Variants in PDPR observed in about 807,000 individuals in gnomAD.
PDPR encodes the protein pyruvate dehydrogenase phosphatase regulatory subunit, also known as pyruvate dehydrogenase phosphatase regulatory subunit, mitochondrial.
PDPR carries 50 observed loss-of-function variants against 102.2 expected under a neutral mutation model. The ratio of observed to expected loss-of-function variants is 0.49; its 90% CI spans 0.39 to 0.62. The LOEUF is 0.62. Among genes scored for constraint, PDPR ranks in the 20% least tolerant of loss-of-function variants. The pLI, the probability that PDPR is intolerant of heterozygous loss-of-function variation, is 0.00. For synonymous variants in PDPR, 259 were observed against 406.0 expected, an observed-to-expected ratio of 0.64 and a Z score of 4.35; for missense variants, 625 against 1,098.2, an observed-to-expected ratio of 0.57 and a Z score of 6.09.
intron 18 of PDPR, among the ~76,000 whole-genome samples, chr16:70,154,424 A>G (rs1966887715): frequency 6.6e-6 from 1 of 152,290 alleles, no homozygotes; most frequent in Non-Finnish European, 1.5e-5. Context: ...CAGGAGGATC[A>G]CTTGAGCTCA....
chr16:70,145,983 G>A, intron 15 of PDPR, 151 bp from the exon 16 acceptor site: 2 of 676,020 alleles, frequency 3.0e-6, no homozygotes, highest in Non-Finnish European at 5.0e-6. Flanking sequence ...GGGGTGCTTA[G>A]CATCCATCCT....
At chr16:70,148,152 G>A (rs1306636333) in intron 16 of PDPR, among the ~76,000 whole-genome samples, 1 of 152,204 alleles carries the variant, frequency 6.6e-6, no homozygotes, top group Non-Finnish European at 1.5e-5. Context: ...TGCTACCCTC[G>A]ACTAACACAA....
In PDPR at chr16:70,162,178, T is replaced by G. The variant is rs1185182766; in HGVS notation, c.*5299T>G. 6.6e-6 allele frequency: 1 copy of G among 152,552 alleles called. No homozygotes were observed. The highest frequency in any genetic ancestry group is 6.5e-5 in the Admixed American group (1 of 15,292). 9.4% of individuals were successfully genotyped at this position (152,552 alleles called of 1,614,324 possible). A position where few individuals can be genotyped will look rare whatever the true frequency, so the allele number is the denominator to read the frequency against. On this transcript the variant is annotated 3_prime_UTR_variant, in exon 19 of 19. Transcript: ENST00000288050. ...AAAGCTCTTTCAGTGAAGGGTGTTCTAGCAGCTCAGTTAACACTTTACTCT... is the reference window on the plus strand; with the variant it reads ...AAAGCTCTTTCAGTGAAGGGTGTTCGAGCAGCTCAGTTAACACTTTACTCT...
rs1285929621 is a variant in PDPR at position 70,138,970 on chromosome 16, GAGCC to G, written c.1263_1266del (p.Ala422SerfsTer18). The G allele has an allele frequency of 6.2e-7, 1 of 1,612,568 alleles. No individual in the cohort carries two copies. The highest frequency in any genetic ancestry group is 1.3e-5 in the African/African-American group (1 of 74,912). On this transcript the variant is annotated frameshift_variant, in exon 11 of 19. Coordinates refer to ENST00000288050, the MANE Select transcript of PDPR (RefSeq NM_017990.5). LOFTEE classifies it high-confidence loss of function. ...TGGGAATTGGACCTGAAACGTTTTGGAGCCCTCCAGAGCAGCCGCACCTTTCTGC... is the reference window on the plus strand; with the variant it reads ...TGGGAATTGGACCTGAAACGTTTTGGCTCCAGAGCAGCCGCACCTTTCTGC...
chr16:70,129,238 G>A (rs1814167721), intron 6 of PDPR, 116 bp downstream of exon 6: 3 of 1,590,284 alleles, frequency 1.9e-6, no homozygotes, highest in Non-Finnish European at 2.6e-6. Flanking sequence ...TCCTCTTTGG[G>A]GTACTCAGCC....
At chr16:70,151,035 A>G (rs1966693308) in intron 17 of PDPR, among the ~76,000 whole-genome samples, 1 of 152,214 alleles carries the variant, frequency 6.6e-6, no homozygotes, top group Non-Finnish European at 1.5e-5. Flanking sequence ...CCTGGGTTCA[A>G]GCGATTCTCC....
At chr16:70,135,921 T>G (rs1270163571) in intron 9 of PDPR, among the ~76,000 whole-genome samples, 64 of 152,280 alleles carry the variant, frequency 4.2e-4, no homozygotes, top group Non-Finnish European at 6.5e-4. Context: ...TACAAAAAAT[T>G]AGCTGGGCAT....
At chr16:70,118,648 G>A (rs1411759547) in intron 2 of PDPR, among the ~76,000 whole-genome samples, 2 of 152,112 alleles carry the variant, frequency 1.3e-5, no homozygotes, top group Non-Finnish European at 2.9e-5. Flanking sequence ...TATTCTGGAG[G>A]GTGCAGTAGA....
At position 70,157,343 on chromosome 16, in the gene PDPR, G is replaced by A. The variant is rs879175117; in HGVS notation, c.*464G>A. ...CCGTGTGTCGGATGCAGCCCTGAGGGGCAGCTCGTGCCTGCAGCCCGGCAG... is the reference window on the plus strand; with the variant it reads ...CCGTGTGTCGGATGCAGCCCTGAGGAGCAGCTCGTGCCTGCAGCCCGGCAG... On this transcript the variant is annotated 3_prime_UTR_variant, in exon 19 of 19. Transcript: ENST00000288050. The A allele has an allele frequency of 4.5e-5, 17 of 380,164 alleles. No individual in the cohort carries two copies. The highest frequency in any genetic ancestry group is 2.8e-4 in the South Asian group (14 of 50,580). 23.5% of individuals were successfully genotyped at this position (380,164 alleles called of 1,614,324 possible).
intron 3 of PDPR, among the ~76,000 whole-genome samples, chr16:70,122,992 C>T (rs1963505174): frequency 6.6e-6 from 1 of 152,178 alleles, no homozygotes. Context: ...CCTGTGCCTC[C>T]CGGATTCCAG....
chr16:70,130,612 G>A lies in PDPR; in HGVS notation c.729+68G>A. 2.5e-6 allele frequency: 4 copies of A among 1,586,954 alleles called. No individual in the cohort carries two copies. In the South Asian group the frequency reaches 3.4e-5, roughly 13 times the overall value. On this transcript the variant is annotated intron_variant, in intron 7 of 18. Transcript: ENST00000288050. ...TCCAAGATTTTTTTGGTGTAGAGAA[G>A]TAAGATTAGTATTGTGATTGGTTAT...
At chr16:70,119,557 C>T (rs536317295) in intron 2 of PDPR, among the ~76,000 whole-genome samples, 37 of 148,774 alleles carry the variant, frequency 2.5e-4, no homozygotes, top group African/African-American at 9.2e-4. Context: ...ATGCCGGCCT[C>T]CTTTTTGTTC....
In PDPR at chr16:70,161,281, C is replaced by CAAAAAAAAAAAAAAAAAA. The variant is rs56353884; in HGVS notation, c.*4404_*4421dup. The CAAAAAAAAAAAAAAAAAA allele has an allele frequency of 7.6e-6, 1 of 130,782 alleles. No homozygotes were observed. 8.1% of individuals were successfully genotyped at this position (130,782 alleles called of 1,614,324 possible). A position where few individuals can be genotyped will look rare whatever the true frequency, so the allele number is the denominator to read the frequency against. Reference sequence around the variant, plus strand: ...GGGTAACAGAGTGAGACTCTTGTCTCAAAAAAAAAAAAAAAAAAATCTAAG... The same window carrying CAAAAAAAAAAAAAAAAAA: ...GGGTAACAGAGTGAGACTCTTGTCTCAAAAAAAAAAAAAAAAAAAAAAAAAAAAAAAAAAAAATCTAAG... On this transcript the variant is annotated 3_prime_UTR_variant, in exon 19 of 19. Transcript: ENST00000288050.
At chr16:70,121,441 C>G (rs967871727) in intron 3 of PDPR, among the ~76,000 whole-genome samples, 8 of 151,572 alleles carry the variant, frequency 5.3e-5, no homozygotes, top group African/African-American at 1.9e-4. Context: ...CTTGTAATCC[C>G]AGCACTCTGG....
At chr16:70,136,982 A>T (rs1479718801) in intron 10 of PDPR, among the ~76,000 whole-genome samples, 2 of 152,188 alleles carry the variant, frequency 1.3e-5, no homozygotes, top group African/African-American at 4.8e-5. Flanking sequence ...ACTTCAAGTG[A>T]TCCACCCACC....
Position 70,135,783 on chromosome 16 carries a change from T to A in PDPR, c.998-411T>A, listed in dbSNP as rs376500058. 7.2e-5 allele frequency among the ~76,000 whole-genome samples: 11 copies of A among 152,370 alleles called. No homozygotes were observed. In the East Asian group the frequency reaches 2.1e-3, roughly 29 times the overall value. ...TTGGCTCGTCTTTAAAAAAATCTCTTCCAGCCGGACGCAGTGGTTCACACC... is the reference window on the plus strand; with the variant it reads ...TTGGCTCGTCTTTAAAAAAATCTCTACCAGCCGGACGCAGTGGTTCACACC... On this transcript the variant is annotated intron_variant, in intron 9 of 18. Transcript: ENST00000288050.
At position 70,158,757 on chromosome 16, in the gene PDPR, A is replaced by C. The variant is rs955416117; in HGVS notation, c.*1878A>C. 2.0e-5 allele frequency: 3 copies of C among 153,110 alleles called. No homozygotes were observed. The highest frequency in any genetic ancestry group is 7.2e-5 in the African/African-American group (3 of 41,484). The allele number at this position is 153,110 out of a possible 1,614,324, so 9.5% of individuals were successfully genotyped here. A position where few individuals can be genotyped will look rare whatever the true frequency, so the allele number is the denominator to read the frequency against. On this transcript the variant is annotated 3_prime_UTR_variant, in exon 19 of 19. Transcript: ENST00000288050. ...CTGTGAAGGCCTTGGGAGAGGAGGA[A>C]CAGGCCCTTGGGCAGATGCAGGCAT...
intron 3 of PDPR, among the ~76,000 whole-genome samples, chr16:70,121,906 T>C (rs1337479421): frequency 1.3e-5 from 2 of 152,216 alleles, no homozygotes; most frequent in African/African-American, 2.4e-5. Flanking sequence ...CTGGGACTAC[T>C]GACATGCACC....
intron 14 of PDPR, among the ~76,000 whole-genome samples, chr16:70,143,895 CT>C (rs1256055451): frequency 0.022 from 3,151 of 146,110 alleles, 22 homozygotes; most frequent in African/African-American, 0.065. Context: ...TGTCTTTTTT[CT>C]TTTTTTTTTT....
Sources: allele counts gnomAD v4.1 joint callset (sites outside exome capture counted in the v4.1 genomes callset), GRCh38; gene constraint gnomAD v4.1.1; transcripts MANE v1.5; gene names NCBI Gene and HGNC (gene_info 2026-07-23, HGNC 2026-07-21).